The following SGCZ variants were observed in gnomAD, a reference collection of about 807,000 sequenced individuals.
The protein encoded by SGCZ is sarcoglycan zeta, also known as zeta-sarcoglycan.
In SGCZ, 40 loss-of-function variants were observed where a neutral mutation model predicts 41.3. The observed-to-expected ratio is 0.97, with a 90% confidence interval of 0.75 to 1.26. The LOEUF is 1.26. Ranked by LOEUF, SGCZ falls within the 50% of genes most tolerant of loss-of-function variation. The probability of loss-of-function intolerance (pLI) is 0.00; values close to 1 mark genes in which losing one functional copy is unlikely to be tolerated. For synonymous variants in SGCZ, 206 were observed against 137.5 expected, an observed-to-expected ratio of 1.50 and a Z score of -3.49; for missense variants, 552 against 369.8, an observed-to-expected ratio of 1.49 and a Z score of -4.04.
chr8:14,481,973 C>T (rs183878911), intron 2 of SGCZ, among the ~76,000 whole-genome samples: 2 of 152,198 alleles, frequency 1.3e-5, no homozygotes, highest in East Asian at 1.9e-4. Flanking sequence ...GGATACCTAC[C>T]GGACCACACC....
At chr8:14,927,441 A>G (rs1390757984) in intron 1 of SGCZ, among the ~76,000 whole-genome samples, 1 of 152,242 alleles carries the variant, frequency 6.6e-6, no homozygotes, top group East Asian at 1.9e-4. Flanking sequence ...AAAAAATAAA[A>G]CACTTCAAAA....
At chr8:14,378,100 G>A (rs993555219) in intron 2 of SGCZ, among the ~76,000 whole-genome samples, 88 of 150,036 alleles carry the variant, frequency 5.9e-4, no homozygotes, top group South Asian at 8.4e-4. Context: ...CTGAGGAATC[G>A]CCACACTGAC....
At position 15,216,629 on chromosome 8, in the gene SGCZ, T is replaced by C. The variant is rs571786943; in HGVS notation, c.39+20956A>G. On this transcript the variant is annotated intron_variant, in intron 1 of 7. Coordinates refer to ENST00000382080, the MANE Select transcript of SGCZ (RefSeq NM_139167.4). ...CAAGAGAACTATATAGATATCCTTA[T>C]TGCTATGAACTCACTATTAAAGAAA... Among the ~76,000 whole-genome samples the C allele has an allele frequency of 4.6e-5, 7 of 152,286 alleles. No homozygotes were observed. The South Asian group carries it at 1.4e-3, about 32-fold the overall frequency.
At chr8:14,937,719 T>C (rs1000187258) in intron 1 of SGCZ, among the ~76,000 whole-genome samples, 1 of 152,134 alleles carries the variant, frequency 6.6e-6, no homozygotes, top group Non-Finnish European at 1.5e-5. Flanking sequence ...GTTTTAGATA[T>C]CCTTTTTCTG....
At chr8:14,384,548 A>T (rs73520240) in intron 2 of SGCZ, among the ~76,000 whole-genome samples, 1,862 of 152,198 alleles carry the variant, frequency 0.012, 43 homozygotes, top group African/African-American at 0.042. Context: ...TACTTGTATT[A>T]TGATTACTTT....
intron 1 of SGCZ, among the ~76,000 whole-genome samples, chr8:14,661,207 T>A (rs1160102122): frequency 6.6e-6 from 1 of 152,144 alleles, no homozygotes; most frequent in Non-Finnish European, 1.5e-5. Flanking sequence ...AATATACTCA[T>A]TAAAATGGTG....
intron 1 of SGCZ, among the ~76,000 whole-genome samples, chr8:14,907,163 A>AT (rs34275755): frequency 1.3e-5 from 2 of 151,928 alleles, no homozygotes; most frequent in African/African-American, 4.8e-5. Flanking sequence ...ACAGTCTACT[A>AT]TTTTTTCAAT....
chr8:14,202,875 T>C (rs186846389), intron 4 of SGCZ, among the ~76,000 whole-genome samples: 24 of 152,336 alleles, frequency 1.6e-4, no homozygotes, highest in Non-Finnish European at 2.9e-5. Context: ...AAATCTCATC[T>C]TAAATTATAA....
At chr8:15,055,728 C>T (rs1019960418) in intron 1 of SGCZ, among the ~76,000 whole-genome samples, 1 of 152,182 alleles carries the variant, frequency 6.6e-6, no homozygotes. Context: ...AATGCTTGCG[C>T]AGCTCTCCAA....
At chr8:15,045,016 G>A (rs1419706073) in intron 1 of SGCZ, among the ~76,000 whole-genome samples, 1 of 152,022 alleles carries the variant, frequency 6.6e-6, no homozygotes, top group Non-Finnish European at 1.5e-5. Flanking sequence ...TATACAGGAT[G>A]CTGAATGCAT....
chr8:14,559,028 G>A (rs954382344), intron 1 of SGCZ, among the ~76,000 whole-genome samples: 4 of 152,016 alleles, frequency 2.6e-5, no homozygotes, highest in African/African-American at 9.7e-5. Flanking sequence ...ACATAACAGT[G>A]AATGCGGAAA....
chr8:14,135,623 A>G (rs1161186266), intron 5 of SGCZ, among the ~76,000 whole-genome samples: 2 of 152,238 alleles, frequency 1.3e-5, no homozygotes, highest in Non-Finnish European at 2.9e-5. Flanking sequence ...AACAATCTGA[A>G]TAGTCCTGTA....
At chr8:14,635,137 C>T (rs944526134) in intron 1 of SGCZ, among the ~76,000 whole-genome samples, 7 of 151,636 alleles carry the variant, frequency 4.6e-5, no homozygotes, top group Admixed American at 4.0e-4. Flanking sequence ...ACTTTTCATT[C>T]AAGCTATTCA....
At chr8:14,961,974 T>C (rs1196259988) in intron 1 of SGCZ, among the ~76,000 whole-genome samples, 3 of 152,350 alleles carry the variant, frequency 2.0e-5, no homozygotes, top group East Asian at 3.9e-4. Context: ...GGAGCACTGA[T>C]TATATCATCC....
chr8:14,529,864 G>C (rs376098772), intron 2 of SGCZ, among the ~76,000 whole-genome samples: 1 of 151,896 alleles, frequency 6.6e-6, no homozygotes, highest in African/African-American at 2.4e-5. Flanking sequence ...ATATTAGTGT[G>C]CATTTGTTGA....
At chr8:15,079,667 A>T (rs980271712) in intron 1 of SGCZ, among the ~76,000 whole-genome samples, 5 of 152,172 alleles carry the variant, frequency 3.3e-5, no homozygotes, top group African/African-American at 1.2e-4. Context: ...TATTGTTCAA[A>T]GGTTTTCCGA....
intron 5 of SGCZ, among the ~76,000 whole-genome samples, chr8:14,128,577 T>G (rs1440510445): frequency 6.6e-6 from 1 of 152,130 alleles, no homozygotes; most frequent in Non-Finnish European, 1.5e-5. Context: ...AGTAAATCAT[T>G]TTATCAAAAA....
intron 1 of SGCZ, among the ~76,000 whole-genome samples, chr8:15,208,717 C>T (rs1276317669): frequency 6.6e-6 from 1 of 152,054 alleles, no homozygotes; most frequent in African/African-American, 2.4e-5. Flanking sequence ...ACAGTATTTG[C>T]TATTACATGA....
chr8:14,197,795 G>A (rs921032573), intron 4 of SGCZ, among the ~76,000 whole-genome samples: 1 of 151,918 alleles, frequency 6.6e-6, no homozygotes, highest in Non-Finnish European at 1.5e-5. Context: ...CATCACACTA[G>A]AGGTCTTAGC....
Sources: gnomAD v4.1 joint callset for allele counts (sites outside exome capture counted in the v4.1 genomes callset) on GRCh38, gnomAD v4.1.1 for gene constraint, MANE v1.5 for transcripts, NCBI Gene and HGNC (gene_info 2026-07-23, HGNC 2026-07-21) for gene names.